Variants in ZNF892 observed in about 807,000 individuals in gnomAD.
The protein encoded by ZNF892 is zinc finger protein 570-like.
the ZNF892 span, among the ~76,000 whole-genome samples, chr2:95,212,668 C>T: frequency 1.3e-5 from 2 of 152,106 alleles, no homozygotes; most frequent in Admixed American, 6.5e-5. Context: ...TTTCCCTTGC[C>T]ACCTTCTCTG....
At chr2:95,240,653 A>G in the ZNF892 span, among the ~76,000 whole-genome samples, 34 of 152,334 alleles carry the variant, frequency 2.2e-4, no homozygotes, top group Admixed American at 3.9e-4. Context: ...GGAGCCAAGC[A>G]GTATCATTCT....
At chr2:95,215,677 G>T in the ZNF892 span, 1 of 397,810 alleles carries the variant, frequency 2.5e-6, no homozygotes, top group Non-Finnish European at 4.4e-6. Context: ...GGTCTACAAA[G>T]AAATTTAAGA....
At chr2:95,209,143 A>G in the ZNF892 span, among the ~76,000 whole-genome samples, 1 of 152,034 alleles carries the variant, frequency 6.6e-6, no homozygotes, top group Non-Finnish European at 1.5e-5. Flanking sequence ...GTTTTTTTTT[A>G]TCATCTGTTT....
chr2:95,245,190 C>G, the ZNF892 span, among the ~76,000 whole-genome samples: 1 of 150,778 alleles, frequency 6.6e-6, no homozygotes, highest in Non-Finnish European at 1.5e-5. Flanking sequence ...CAGAGGGAAA[C>G]CGAAGGAGAA....
chr2:95,258,345 C>T, the ZNF892 span, among the ~76,000 whole-genome samples: 2 of 152,204 alleles, frequency 1.3e-5, no homozygotes, highest in African/African-American at 4.8e-5. Flanking sequence ...TCCCCACTGC[C>T]TGGAGTTGGA....
chr2:95,220,255 TG>T, the ZNF892 span, among the ~76,000 whole-genome samples: 1 of 152,144 alleles, frequency 6.6e-6, no homozygotes, highest in African/African-American at 2.4e-5. Context: ...CTGTGGTCTT[TG>T]AAGTAGGATT....
At chr2:95,217,518 AG>A in the ZNF892 span, among the ~76,000 whole-genome samples, 3 of 152,206 alleles carry the variant, frequency 2.0e-5, no homozygotes, top group African/African-American at 7.2e-5. Context: ...ATTCATCCTG[AG>A]GCAAAATTAC....
chr2:95,239,175 G>T, the ZNF892 span, among the ~76,000 whole-genome samples: 2 of 148,152 alleles, frequency 1.3e-5, no homozygotes, highest in Non-Finnish European at 1.5e-5. Flanking sequence ...GGAGCCTGAA[G>T]ATGTGACTGA....
the ZNF892 span, among the ~76,000 whole-genome samples, chr2:95,227,040 G>C: frequency 6.6e-6 from 1 of 151,980 alleles, no homozygotes; most frequent in Middle Eastern, 3.4e-3. Flanking sequence ...TGAAATAATC[G>C]CTACCACAAT....
At chr2:95,238,079 A>C in the ZNF892 span, among the ~76,000 whole-genome samples, 1 of 152,270 alleles carries the variant, frequency 6.6e-6, no homozygotes, top group Non-Finnish European at 1.5e-5. Context: ...AAGATCATTG[A>C]TGAAGGGGGC....
chr2:95,261,905 T>A, the ZNF892 span, among the ~76,000 whole-genome samples: 1 of 152,178 alleles, frequency 6.6e-6, no homozygotes, highest in Non-Finnish European at 1.5e-5. Context: ...CGTGCAGGCA[T>A]TGGGGGCTCC....
At chr2:95,236,951 G>T in the ZNF892 span, among the ~76,000 whole-genome samples, 1 of 152,150 alleles carries the variant, frequency 6.6e-6, no homozygotes, top group Non-Finnish European at 1.5e-5. Flanking sequence ...ATTGCACTTT[G>T]ATTCTTTATT....
chr2:95,211,704 G>A, the ZNF892 span: 1 of 398,600 alleles, frequency 2.5e-6, no homozygotes, highest in Non-Finnish European at 4.4e-6. Context: ...AGAAGCCTAG[G>A]AATCTGGTCT....
chr2:95,248,056 T>C, the ZNF892 span, among the ~76,000 whole-genome samples: 1 of 152,196 alleles, frequency 6.6e-6, no homozygotes, highest in African/African-American at 2.4e-5. Context: ...ATTGCAACAC[T>C]ATTCACAATA....
the ZNF892 span, among the ~76,000 whole-genome samples, chr2:95,252,572 A>G: frequency 6.6e-6 from 1 of 152,200 alleles, no homozygotes; most frequent in Non-Finnish European, 1.5e-5. Flanking sequence ...TTATAGCAGC[A>G]TGATTTATAA....
the ZNF892 span, chr2:95,207,687 G>C: frequency 2.5e-6 from 1 of 397,292 alleles, no homozygotes; most frequent in East Asian, 3.6e-5. Flanking sequence ...GTGGCGGGAG[G>C]ACCCCCGGGT....
chr2:95,225,391 G>A, the ZNF892 span, among the ~76,000 whole-genome samples: 1 of 152,186 alleles, frequency 6.6e-6, no homozygotes, highest in East Asian at 1.9e-4. Context: ...CAAGGGGCTA[G>A]CATCTGATGA....
the ZNF892 span, among the ~76,000 whole-genome samples, chr2:95,260,102 C>T: frequency 2.0e-5 from 3 of 152,246 alleles, no homozygotes; most frequent in Admixed American, 6.5e-5. Context: ...CAACATATCA[C>T]AGAACCAAGG....
At chr2:95,251,434 G>A in the ZNF892 span, among the ~76,000 whole-genome samples, 5 of 152,118 alleles carry the variant, frequency 3.3e-5, no homozygotes, top group African/African-American at 1.2e-4. Flanking sequence ...ATGACTCAAA[G>A]CCAATAAGCC....
Sources: gnomAD v4.1 joint callset for allele counts (sites outside exome capture counted in the v4.1 genomes callset) on GRCh38, gnomAD v4.1.1 for gene constraint, MANE v1.5 for transcripts, NCBI Gene and HGNC (gene_info 2026-07-23, HGNC 2026-07-21) for gene names.